Variants in LILRB1 observed in about 807,000 individuals in gnomAD.
The protein encoded by LILRB1 is leukocyte immunoglobulin like receptor B1.
Under a neutral mutation model 74.6 loss-of-function variants are expected in LILRB1, and 59 were observed. That is an observed-to-expected ratio of 0.79 (90% confidence interval 0.64 to 0.98). LILRB1 has a LOEUF of 0.98. LILRB1 is among the 50% of genes least tolerant of loss of function. The pLI is 0.00. For synonymous variants in LILRB1, 328 were observed against 333.9 expected, an observed-to-expected ratio of 0.98 and a Z score of 0.19; for missense variants, 804 against 822.6, an observed-to-expected ratio of 0.98 and a Z score of 0.28.
At chr19:54,624,158 G>A (rs1246878869) in intron 1 of LILRB1, among the ~76,000 whole-genome samples, 5 of 152,180 alleles carry the variant, frequency 3.3e-5, no homozygotes, top group Admixed American at 1.3e-4. Context: ...TGGAACCCCC[G>A]GCTTGCCCAC....
At chr19:54,629,788 T>C (rs893131025), upstream of LILRB1, among the ~76,000 whole-genome samples, 4 of 136,142 alleles carry the variant, frequency 2.9e-5, no homozygotes, top group African/African-American at 1.1e-4. Flanking sequence ...CCCTGTGGCA[T>C]CTCACCTGTG....
chr19:54,636,795 C>A lies in LILRB1; in HGVS notation c.1876C>A (p.Arg626=), dbSNP rs765937694. 8 of 1,613,104 alleles carry A rather than the reference C, an allele frequency of 5.0e-6. No individual in the cohort carries two copies. The highest frequency in any genetic ancestry group is 6.8e-6 in the Non-Finnish European group (8 of 1,179,460). ...YAQLHSLTLR[R]EATEPPPSQE... is the part of the protein sequence containing the mutation. ...CCAGCTGCACAGCTTGACCCTCAGA[C>A]GGGAGGCAACTGAGCCTCCTCCATC... Residue 626 remains arginine, a synonymous_variant, in exon 15 of 15, where the codon CGG becomes AGG. Transcript: ENST00000324602.
chr19:54,634,938 G>C (rs1290121557), intron 10 of LILRB1, 166 bp from the exon 11 acceptor site: 15 of 1,443,194 alleles, frequency 1.0e-5, no homozygotes, highest in South Asian at 2.7e-5. Context: ...CGGGCTCAGT[G>C]CCATCTACAA....
rs2064175085 is a variant in LILRB1, at chr19:54,634,149, T to C, written c.1363+128T>C. The C allele has an allele frequency of 2.0e-6, 3 of 1,528,752 alleles. No individual in the cohort carries two copies. The Admixed American group carries it at 6.1e-5, about 31-fold the overall frequency. The allele number at this position is 1,528,752 out of a possible 1,614,324, so 94.7% of individuals were successfully genotyped here. On this transcript the variant is annotated intron_variant, in intron 9 of 14. Transcript: ENST00000324602. ...CTCCTCCCCTGCTTGGGCCTCAGTT[T>C]CTCCAAATGTAAAGGTGAGAGGCCT... is the stretch of plus-strand genomic sequence containing the variant.
Position 54,633,196 on chromosome 19 carries a change from C to A in LILRB1, c.1139C>A (p.Ala380Asp). 1 of 1,614,214 alleles carries A rather than the reference C, an allele frequency of 6.2e-7. No individual in the cohort carries two copies. Among genetic ancestry groups the A allele is most frequent in the Non-Finnish European group, 8.5e-7 (1 of 1,180,022 alleles). Residue 380 changes from alanine to aspartate, a missense_variant, in exon 7 of 15, where the codon GCT becomes GAT. Physicochemically the swap from Ala to Asp is moderately radical, Grantham distance 126. Coordinates refer to ENST00000324602, the MANE Select transcript of LILRB1 (RefSeq NM_001081637.3). ...ACGTACCAATCTCAAAAATACCAGGCTGAATTCCCCATGGGTCCTGTGACC... is the reference window on the plus strand; with the variant it reads ...ACGTACCAATCTCAAAAATACCAGGATGAATTCCCCATGGGTCCTGTGACC... ...RSTYQSQKYQ[A>D]EFPMGPVTSA...
Position 54,635,671 on chromosome 19 carries a change from A to G in LILRB1, c.1653+62A>G, listed in dbSNP as rs28439495. ...CCTGGTGCCAGATCTAATCCTGCAG[A>G]ACTTCTCTGTCCTCCTTCCCCCGGC... On this transcript the variant is annotated intron_variant, in intron 13 of 14. Transcript: ENST00000324602. The G allele has an allele frequency of 3.5e-3, 5,408 of 1,566,038 alleles. 160 individuals are homozygous for G. The African/African-American group carries it at 0.059, about 17-fold the overall frequency.
At position 54,637,216 on chromosome 19, in the gene LILRB1, A is replaced by C; in HGVS notation, c.*338A>C. 1 of 278,222 alleles carries C rather than the reference A, an allele frequency of 3.6e-6. No individual in the cohort carries two copies. The highest frequency in any genetic ancestry group is 6.3e-5 in the South Asian group (1 of 15,876). 17.2% of individuals were successfully genotyped at this position (278,222 alleles called of 1,614,324 possible). On this transcript the variant is annotated 3_prime_UTR_variant, in exon 15 of 15. Transcript: ENST00000324602. Reference sequence around the variant, plus strand: ...AGGAAAGAAAAAAAGTAGGAAATGAATGATCTTGGCTTTCCTATAAGAAAT... The same window carrying C: ...AGGAAAGAAAAAAAGTAGGAAATGACTGATCTTGGCTTTCCTATAAGAAAT...
chr19:54,620,615 C>A (rs898783850), intron 1 of LILRB1, among the ~76,000 whole-genome samples: 1 of 152,126 alleles, frequency 6.6e-6, no homozygotes, highest in Non-Finnish European at 1.5e-5. Flanking sequence ...GTGGACCAGA[C>A]AAACGCCACT....
At chr19:54,631,424 G>T in intron 3 of LILRB1, 76 bp from the exon 4 acceptor site, 2 of 1,603,996 alleles carry the variant, frequency 1.2e-6, no homozygotes, top group South Asian at 2.2e-5. Flanking sequence ...GCGTCTGGAG[G>T]GTCCTGGGCT....
At chr19:54,631,360 C>T (rs1289937018) in intron 3 of LILRB1, 54 bp downstream of exon 3, 3 of 1,613,434 alleles carry the variant, frequency 1.9e-6, no homozygotes, top group South Asian at 1.1e-5. Flanking sequence ...GGACAAGGGG[C>T]CACCCCCGTG....
chr19:54,630,138 G>A (rs2063724121), upstream of LILRB1, among the ~76,000 whole-genome samples: 1 of 152,290 alleles, frequency 6.6e-6, no homozygotes, highest in Non-Finnish European at 1.5e-5. Context: ...GGCAAAGGAA[G>A]AATCTGAGGC....
At position 54,632,176 on chromosome 19, in the gene LILRB1, T is replaced by C; in HGVS notation, c.600T>C (p.Tyr200=). 6.2e-7 allele frequency: 1 copy of C among 1,614,194 alleles called. No individual in the cohort carries two copies. The highest frequency in any genetic ancestry group is 8.5e-7 in the Non-Finnish European group (1 of 1,180,018). The stretch of plus-strand genomic sequence containing the variant: ...GGTGGTGGTACAGGTGCTATGCTTA[T>C]GACTCGAACTCTCCCTATGAGTGGT... The part of the protein sequence containing the change: ...SRRWWYRCYA[Y]DSNSPYEWSL... Residue 200 remains tyrosine (Y), a synonymous_variant, in exon 5 of 15, where the codon TAT becomes TAC. Transcript: ENST00000324602.
chr19:54,628,169 C>T (rs1319198062), upstream of LILRB1, among the ~76,000 whole-genome samples: 1 of 152,130 alleles, frequency 6.6e-6, no homozygotes, highest in Middle Eastern at 3.2e-3. Context: ...GAGGAAGTAA[C>T]TTGTGGAATG....
chr19:54,636,285 T>G, intron 13 of LILRB1: 1 of 994,470 alleles, frequency 1.0e-6, no homozygotes, highest in Non-Finnish European at 1.5e-6. Flanking sequence ...GGAAGGCCCG[T>G]GAGGCTGCAG....
chr19:54,628,430 C>T (rs1461925056), upstream of LILRB1, among the ~76,000 whole-genome samples: 1 of 152,212 alleles, frequency 6.6e-6, no homozygotes, highest in African/African-American at 2.4e-5. Flanking sequence ...ACTGCCCCCA[C>T]ACCATTCCCA....
chr19:54,632,147 C>G lies in LILRB1; in HGVS notation c.571C>G (p.Arg191Gly). ...CTCCGTGGGCCCCGTGAGCCCGAGTCGCAGGTGGTGGTACAGGTGCTATGC... is the reference window on the plus strand; with the variant it reads ...CTCCGTGGGCCCCGTGAGCCCGAGTGGCAGGTGGTGGTACAGGTGCTATGC... ...IFSVGPVSPS[R>G]RWWYRCYAYD... Residue 191 changes from arginine (R) to glycine (G), a missense_variant, in exon 5 of 15, where the codon CGC becomes GGC. Arg to Gly is a moderately radical substitution (Grantham distance 125, BLOSUM62 -2). Coordinates refer to ENST00000324602, the MANE Select transcript of LILRB1 (RefSeq NM_001081637.3). 1 of 1,614,228 alleles carries G rather than the reference C, an allele frequency of 6.2e-7. No homozygotes were observed. The highest frequency in any genetic ancestry group is 8.5e-7 in the Non-Finnish European group (1 of 1,180,030).
chr19:54,633,160 G>A lies in LILRB1; in HGVS notation c.1103G>A (p.Arg368His), dbSNP rs376255659. Residue 368 changes from arginine (R) to histidine (H), a missense_variant, in exon 7 of 15, where the codon CGT (arginine) becomes CAT (histidine). Transcript: ENST00000324602. ...GAGGGGGCAGCTGATGACCCATGGC[G>A]TCTAAGATCAACGTACCAATCTCAA... is the stretch of plus-strand genomic sequence containing the variant. ...TKEGAADDPW[R>H]LRSTYQSQKY... is the part of the protein sequence containing the mutation. The A allele has an allele frequency of 7.8e-5, 126 of 1,614,204 alleles. No homozygotes were observed. The Middle Eastern group carries it at 9.9e-4, about 13-fold the overall frequency.
chr19:54,623,600 A>T (rs1806261631), intron 1 of LILRB1, among the ~76,000 whole-genome samples: 2 of 152,174 alleles, frequency 1.3e-5, no homozygotes, highest in African/African-American at 4.8e-5. Flanking sequence ...TACTTTCAAA[A>T]AACCAACGTT....
chr19:54,616,775 G>A (rs2063321291), upstream of LILRB1, among the ~76,000 whole-genome samples: 1 of 151,790 alleles, frequency 6.6e-6, no homozygotes, highest in African/African-American at 2.4e-5. Context: ...TGTTTTCATA[G>A]GGAAACGAGA....
Sources: gnomAD v4.1 joint callset for allele counts (sites outside exome capture counted in the v4.1 genomes callset) on GRCh38, gnomAD v4.1.1 for gene constraint, MANE v1.5 for transcripts, NCBI Gene and HGNC (gene_info 2026-07-23, HGNC 2026-07-21) for gene names.